The following GRIA1 variants were observed in gnomAD, a reference collection of about 807,000 sequenced individuals.
GRIA1 encodes the protein glutamate receptor 1.
GRIA1 carries 31 observed loss-of-function variants against 99.2 expected under a neutral mutation model. The ratio of observed to expected loss-of-function variants is 0.31; its 90% CI spans 0.23 to 0.42. The LOEUF is 0.42. Among genes scored for constraint, GRIA1 ranks in the 10% least tolerant of loss-of-function variants. GRIA1 has a pLI of 1.00. For synonymous variants in GRIA1, 438 were observed against 432.4 expected, an observed-to-expected ratio of 1.01 and a Z score of -0.16; for missense variants, 782 against 1,157.5, an observed-to-expected ratio of 0.68 and a Z score of 4.71.
At chr5:153,646,823 G>A in intron 2 of GRIA1, 105 bp from the exon 3 acceptor site, 1 of 1,241,016 alleles carries the variant, frequency 8.1e-7, no homozygotes, top group Non-Finnish European at 1.1e-6. Flanking sequence ...CAGTTGGGTG[G>A]ATAATTGATG....
intron 11 of GRIA1, among the ~76,000 whole-genome samples, chr5:153,761,726 T>C (rs889942982): frequency 2.0e-5 from 3 of 152,212 alleles, no homozygotes; most frequent in African/African-American, 7.2e-5. Context: ...TTCATGTTTA[T>C]TGCAGCACTA....
chr5:153,775,422 T>C (rs1269242469), intron 13 of GRIA1, among the ~76,000 whole-genome samples: 2 of 152,210 alleles, frequency 1.3e-5, no homozygotes, highest in Admixed American at 1.3e-4. Context: ...TTGGTCTCTG[T>C]GATCATGACA....
At chr5:153,518,797 T>C (rs1194202781) in intron 2 of GRIA1, among the ~76,000 whole-genome samples, 1 of 152,186 alleles carries the variant, frequency 6.6e-6, no homozygotes, top group Admixed American at 6.5e-5. Context: ...GAAATGGAGA[T>C]ACTGCGAGGT....
chr5:153,574,193 C>A (rs1009817461), intron 2 of GRIA1, among the ~76,000 whole-genome samples: 1 of 152,124 alleles, frequency 6.6e-6, no homozygotes, highest in Non-Finnish European at 1.5e-5. Context: ...ACTTCATCAG[C>A]AAGGGTGTTA....
At chr5:153,672,531 G>A (rs907375846) in intron 5 of GRIA1, among the ~76,000 whole-genome samples, 2 of 149,410 alleles carry the variant, frequency 1.3e-5, no homozygotes, top group African/African-American at 4.9e-5. Context: ...GAATATCAAG[G>A]ACAAAAGCTC....
rs1388774825 is a variant in GRIA1 at position 153,686,442 on chromosome 5, C to T, written c.1134+113C>T. The T allele has an allele frequency of 5.9e-6, 4 of 677,428 alleles. No homozygotes were observed. In the East Asian group the frequency reaches 8.6e-5, roughly 15 times the overall value. The allele number at this position is 677,428 out of a possible 1,614,324, so 42.0% of individuals were successfully genotyped here. A position where few individuals can be genotyped will look rare whatever the true frequency, so the allele number is the denominator to read the frequency against. ...TCTGGACTGGATCTTTGAAGAAACT[C>T]AGACAACACAGATTCTAGACTTGGC... On this transcript the variant is annotated intron_variant, in intron 8 of 15. Transcript: ENST00000285900.
chr5:153,630,274 C>CATT (rs1402142642), intron 2 of GRIA1, among the ~76,000 whole-genome samples: 1 of 152,058 alleles, frequency 6.6e-6, no homozygotes, highest in Non-Finnish European at 1.5e-5. Context: ...TCATCATCAT[C>CATT]ATCATCATTT....
intron 11 of GRIA1, among the ~76,000 whole-genome samples, chr5:153,762,929 A>G (rs1054378832): frequency 2.0e-5 from 3 of 152,082 alleles, no homozygotes; most frequent in African/African-American, 4.8e-5. Flanking sequence ...CCTCATGCCA[A>G]CTCTTCAGTG....
At chr5:153,649,440 TTTAGTTAG>T (rs147092950) in intron 3 of GRIA1, among the ~76,000 whole-genome samples, 16,627 of 146,714 alleles carry the variant, frequency 0.11, 983 homozygotes, top group African/African-American at 0.15. Context: ...TATTTATTTA[TTTAGTTAG>T]TTAGTTAGTT....
intron 2 of GRIA1, among the ~76,000 whole-genome samples, chr5:153,516,676 C>T (rs1261520877): frequency 1.3e-5 from 2 of 151,934 alleles, no homozygotes; most frequent in African/African-American, 2.4e-5. Context: ...GCTGGGGAGA[C>T]AAAAGGCTGC....
rs373229708 is a variant in GRIA1 at position 153,765,199 on chromosome 5, AGAGAGCTTAG to A, written c.2022+571_2022+580del. Among the ~76,000 whole-genome samples, 47 of 152,332 alleles carry A rather than the reference AGAGAGCTTAG, an allele frequency of 3.1e-4. No homozygotes were observed. In the East Asian group the frequency reaches 7.7e-3, roughly 25 times the overall value. On this transcript the variant is annotated intron_variant, in intron 12 of 15. Coordinates refer to ENST00000285900, the MANE Select transcript of GRIA1 (RefSeq NM_000827.4). The stretch of plus-strand genomic sequence containing the variant: ...AGACAGTGAGCGGAAGCAAAGGAGC[AGAGAGCTTAG>A]GAGCACAGCCTTCAAGTTCAGCAGA...
At chr5:153,490,012 C>T (rs1753769383), upstream of GRIA1, among the ~76,000 whole-genome samples, 1 of 151,992 alleles carries the variant, frequency 6.6e-6, no homozygotes, top group Non-Finnish European at 1.5e-5. Context: ...AAATACCTGC[C>T]AGTCACTCCA....
In GRIA1 at chr5:153,501,384, C is replaced by T. The variant is rs549461580; in HGVS notation, c.220+7319C>T. On this transcript the variant is annotated intron_variant, in intron 2 of 15. Coordinates refer to ENST00000285900, the MANE Select transcript of GRIA1 (RefSeq NM_000827.4). Reference sequence around the variant, plus strand: ...GAAAGCATATACAAAGGAACCAGCTCGTGCAGGAGGATGAATAGGTGCTTG... The same window carrying T: ...GAAAGCATATACAAAGGAACCAGCTTGTGCAGGAGGATGAATAGGTGCTTG... Among the ~76,000 whole-genome samples, 3 of 152,238 alleles carry T rather than the reference C, an allele frequency of 2.0e-5. No individual in the cohort carries two copies. In the South Asian group the frequency reaches 6.2e-4, roughly 32 times the overall value.
chr5:153,664,762 A>C (rs1222245300), intron 5 of GRIA1, among the ~76,000 whole-genome samples: 1 of 152,184 alleles, frequency 6.6e-6, no homozygotes, highest in Non-Finnish European at 1.5e-5. Flanking sequence ...GATTTACTAC[A>C]ATATTTCTTA....
At position 153,701,341 on chromosome 5, in the gene GRIA1, G is replaced by A. The variant is rs546128261; in HGVS notation, c.1452+2268G>A. 3.2e-3 allele frequency among the ~76,000 whole-genome samples: 482 copies of A among 152,148 alleles called. 4 individuals are homozygous for A. Among genetic ancestry groups the A allele is most frequent in the African/African-American group, 0.011 (469 of 41,526 alleles). The stretch of plus-strand genomic sequence containing the variant: ...CCAGTAAAAACTGTTCTGACCAGGT[G>A]CGGTGGCTCATGCCTGTAATCCCAG... On this transcript the variant is annotated intron_variant, in intron 10 of 15. Coordinates refer to ENST00000285900, the MANE Select transcript of GRIA1 (RefSeq NM_000827.4).
At chr5:153,525,025 G>C (rs1031378495) in intron 2 of GRIA1, among the ~76,000 whole-genome samples, 1 of 152,242 alleles carries the variant, frequency 6.6e-6, no homozygotes, top group Non-Finnish European at 1.5e-5. Context: ...TTAAGGATTC[G>C]ACTATTTACT....
chr5:153,616,248 A>G (rs1766491811), intron 2 of GRIA1, among the ~76,000 whole-genome samples: 1 of 152,182 alleles, frequency 6.6e-6, no homozygotes, highest in Admixed American at 6.5e-5. Flanking sequence ...GGCTTTTCAA[A>G]CATGGTACAA....
chr5:153,522,178 C>A (rs756104980), intron 2 of GRIA1, among the ~76,000 whole-genome samples: 13 of 152,232 alleles, frequency 8.5e-5, no homozygotes, highest in Non-Finnish European at 1.9e-4. Flanking sequence ...GCTGTGTAAT[C>A]TTTGGCAAGT....
chr5:153,578,163 A>AG (rs1385205586), intron 2 of GRIA1, among the ~76,000 whole-genome samples: 1 of 149,322 alleles, frequency 6.7e-6, no homozygotes, highest in Non-Finnish European at 1.5e-5. Flanking sequence ...AAAAAAAAAA[A>AG]AAAAAAAAAA....
Sources: allele counts gnomAD v4.1 joint callset (sites outside exome capture counted in the v4.1 genomes callset), GRCh38; gene constraint gnomAD v4.1.1; transcripts MANE v1.5; gene names NCBI Gene and HGNC (gene_info 2026-07-23, HGNC 2026-07-21).